PLCL1: variants seen among roughly 807,000 people sequenced by gnomAD.
PLCL1 encodes phospholipase C like 1 (inactive).
PLCL1 carries 41 observed loss-of-function variants against 84.4 expected under a neutral mutation model. The ratio of observed to expected loss-of-function variants is 0.49; its 90% CI spans 0.38 to 0.63. PLCL1 has a LOEUF of 0.63. PLCL1 is among the 30% of genes least tolerant of loss of function. PLCL1 has a pLI of 0.00. For missense variants in PLCL1, 1,206 were observed against 1,367.8 expected (o/e 0.88, Z 1.87); for synonymous variants, 490 against 488.3 (o/e 1.00, Z -0.05).
chr2:197,897,750 GTTA>G (rs1688183741), intron 1 of PLCL1, among the ~76,000 whole-genome samples: 1 of 152,162 alleles, frequency 6.6e-6, no homozygotes, highest in African/African-American at 2.4e-5. Context: ...AGGCAAATTT[GTTA>G]TTCTGAGGTC....
chr2:197,857,026 A>T (rs1687341492), intron 1 of PLCL1, among the ~76,000 whole-genome samples: 2 of 152,102 alleles, frequency 1.3e-5, no homozygotes, highest in African/African-American at 4.8e-5. Flanking sequence ...TAGCTAGTGG[A>T]TGCTGGGCTT....
intron 1 of PLCL1, chr2:197,810,177 A>G: frequency 2.2e-6 from 1 of 446,684 alleles, no homozygotes; most frequent in South Asian, 2.4e-5. Flanking sequence ...TATGATCCCC[A>G]CAACTTCAGT....
chr2:198,128,280 T>C (rs1186203666), intron 5 of PLCL1, among the ~76,000 whole-genome samples: 1 of 152,174 alleles, frequency 6.6e-6, no homozygotes, highest in Non-Finnish European at 1.5e-5. Flanking sequence ...GGTTCACCTT[T>C]CATGCTACCT....
chr2:198,031,012 C>G (rs1284287029), intron 1 of PLCL1, among the ~76,000 whole-genome samples: 2 of 152,098 alleles, frequency 1.3e-5, no homozygotes, highest in Non-Finnish European at 2.9e-5. Flanking sequence ...ATAAAGCGCT[C>G]TAAAACATAT....
At chr2:197,808,049 A>G (rs989506303) in intron 1 of PLCL1, among the ~76,000 whole-genome samples, 3 of 152,194 alleles carry the variant, frequency 2.0e-5, no homozygotes, top group African/African-American at 7.2e-5. Flanking sequence ...CATCTTCAGA[A>G]ATTCTTTCTA....
chr2:198,073,293 G>C (rs1692504153), intron 1 of PLCL1, among the ~76,000 whole-genome samples: 1 of 152,114 alleles, frequency 6.6e-6, no homozygotes, highest in African/African-American at 2.4e-5. Flanking sequence ...GGTATGAATG[G>C]GGGTGAGGGA....
intron 1 of PLCL1, among the ~76,000 whole-genome samples, chr2:197,894,332 T>C (rs952992284): frequency 2.0e-5 from 3 of 151,994 alleles, no homozygotes; most frequent in Non-Finnish European, 2.9e-5. Context: ...GCAAATAGCA[T>C]TGGATAAACA....
intron 5 of PLCL1, among the ~76,000 whole-genome samples, chr2:198,143,895 A>ATTTTTTTTTT (rs5837583): frequency 6.6e-6 from 1 of 150,490 alleles, no homozygotes. Context: ...TAGTTTACCT[A>ATTTTTTTTTT]TTTTTTTTTT....
intron 1 of PLCL1, among the ~76,000 whole-genome samples, chr2:197,934,999 C>T (rs1361048757): frequency 6.6e-6 from 1 of 151,994 alleles, no homozygotes; most frequent in Non-Finnish European, 1.5e-5. Context: ...TTTCAAAAGA[C>T]GACATACACT....
At chr2:197,851,218 T>G (rs1687230050) in intron 1 of PLCL1, among the ~76,000 whole-genome samples, 1 of 152,220 alleles carries the variant, frequency 6.6e-6, no homozygotes, top group African/African-American at 2.4e-5. Flanking sequence ...CGGAAAAACT[T>G]TTTTCCTCCC....
chr2:197,877,639 T>C (rs1687760034), intron 1 of PLCL1, among the ~76,000 whole-genome samples: 1 of 152,152 alleles, frequency 6.6e-6, no homozygotes. Context: ...TGCCCAGGCC[T>C]GACTGGTTTA....
chr2:197,840,331 A>G (rs1246590453), intron 1 of PLCL1, among the ~76,000 whole-genome samples: 3 of 151,868 alleles, frequency 2.0e-5, no homozygotes, highest in Admixed American at 1.3e-4. Context: ...GTAAAACTTC[A>G]TCGGTTGATT....
intron 1 of PLCL1, among the ~76,000 whole-genome samples, chr2:198,013,821 C>G (rs1247554687): frequency 2.6e-5 from 4 of 152,056 alleles, no homozygotes; most frequent in Non-Finnish European, 5.9e-5. Context: ...TTTGTGTGAA[C>G]ATTAAACTTT....
At chr2:197,981,574 T>C (rs1352495996) in intron 1 of PLCL1, among the ~76,000 whole-genome samples, 1 of 152,230 alleles carries the variant, frequency 6.6e-6, no homozygotes, top group East Asian at 1.9e-4. Context: ...AAAAGATTAA[T>C]ACAGTAGTTG....
chr2:198,142,614 T>A (rs1006406381), intron 5 of PLCL1, among the ~76,000 whole-genome samples: 1 of 152,210 alleles, frequency 6.6e-6, no homozygotes, highest in Non-Finnish European at 1.5e-5. Context: ...CATGAGTCCA[T>A]GTTACTTTCT....
chr2:198,072,409 T>G (rs772119688), intron 1 of PLCL1, among the ~76,000 whole-genome samples: 36 of 151,926 alleles, frequency 2.4e-4, no homozygotes, highest in Non-Finnish European at 4.0e-4. Flanking sequence ...AATAGTTATA[T>G]TTTCTGCAAG....
chr2:197,999,833 A>G (rs1690557845), intron 1 of PLCL1, among the ~76,000 whole-genome samples: 1 of 152,158 alleles, frequency 6.6e-6, no homozygotes, highest in African/African-American at 2.4e-5. Context: ...TACATATTGT[A>G]TATGTAATAC....
intron 5 of PLCL1, among the ~76,000 whole-genome samples, chr2:198,142,797 C>CT (rs911999035): frequency 2.2e-3 from 319 of 144,026 alleles, no homozygotes; most frequent in African/African-American, 4.1e-3. Context: ...GCATCCTTCT[C>CT]TTTTTTTTTT....
At position 198,031,009 on chromosome 2, in the gene PLCL1, G is replaced by A. The variant is rs571483115; in HGVS notation, c.241-52749G>A. ...TAAAATATCAGTTCCTTAATAAAGC[G>A]CTCTAAAACATATTTAAACAAAATG... On this transcript the variant is annotated intron_variant, in intron 1 of 5. Transcript: ENST00000428675. Among the ~76,000 whole-genome samples the A allele has an allele frequency of 5.9e-5, 9 of 152,132 alleles. No homozygotes were observed. In the East Asian group the frequency reaches 7.7e-4, roughly 13 times the overall value.
Sources: gnomAD v4.1 joint callset for allele counts (sites outside exome capture counted in the v4.1 genomes callset) on GRCh38, gnomAD v4.1.1 for gene constraint, MANE v1.5 for transcripts, NCBI Gene and HGNC (gene_info 2026-07-23, HGNC 2026-07-21) for gene names.